The following PVT1 variants were observed in gnomAD, a reference collection of about 807,000 sequenced individuals.
The protein encoded by PVT1 is CXCR4/PVT1 fusion.
At chr8:127,801,566 G>A (rs534841011) in intron 2 of PVT1, among the ~76,000 whole-genome samples, 1 of 152,288 alleles carries the variant, frequency 6.6e-6, no homozygotes, top group South Asian at 2.1e-4. Flanking sequence ...AAAAAGGAAA[G>A]TAATTTGATC....
chr8:128,013,713 C>T (rs1247350782), intron 4 of PVT1, among the ~76,000 whole-genome samples: 11 of 152,168 alleles, frequency 7.2e-5, no homozygotes, highest in Admixed American at 7.2e-4. Flanking sequence ...AGTTGTGTCA[C>T]CTGCATTCTT....
At chr8:128,049,749 G>A (rs559583812) in intron 4 of PVT1, among the ~76,000 whole-genome samples, 46 of 152,170 alleles carry the variant, frequency 3.0e-4, no homozygotes, top group South Asian at 6.2e-4. Flanking sequence ...ACTGATTCAG[G>A]TAAGGTTTAC....
chr8:127,892,229 A>G (rs1216190629), intron 3 of PVT1, among the ~76,000 whole-genome samples: 2 of 152,240 alleles, frequency 1.3e-5, no homozygotes, highest in African/African-American at 4.8e-5. Context: ...GTTCTCACCC[A>G]TAGCTCTTAG....
chr8:127,829,325 C>T (rs1563616117), intron 2 of PVT1, among the ~76,000 whole-genome samples: 1 of 151,912 alleles, frequency 6.6e-6, no homozygotes, highest in Non-Finnish European at 1.5e-5. Flanking sequence ...TATATATATT[C>T]ACACACATGT....
chr8:127,984,993 CT>C (rs1816945332), intron 3 of PVT1, among the ~76,000 whole-genome samples: 1 of 104,120 alleles, frequency 9.6e-6, no homozygotes, highest in Non-Finnish European at 1.8e-5. Context: ...CTTTCTTTCT[CT>C]TTCCTTCCTT....
At chr8:128,034,481 C>T (rs192471610) in intron 4 of PVT1, among the ~76,000 whole-genome samples, 1 of 152,338 alleles carries the variant, frequency 6.6e-6, no homozygotes, top group East Asian at 1.9e-4. Context: ...CTGTGCTGTT[C>T]TAGCTCATCT....
chr8:127,911,435 G>A (rs957090410), intron 3 of PVT1, among the ~76,000 whole-genome samples: 3 of 152,326 alleles, frequency 2.0e-5, no homozygotes, highest in Non-Finnish European at 2.9e-5. Flanking sequence ...TTACCTGGCC[G>A]GCCTTGCAAA....
chr8:127,871,901 C>A (rs955592097), intron 2 of PVT1, among the ~76,000 whole-genome samples: 6 of 151,694 alleles, frequency 4.0e-5, no homozygotes, highest in Non-Finnish European at 8.8e-5. Flanking sequence ...CCAACCTGGC[C>A]AACATGGCAA....
chr8:127,876,172 T>C (rs954970570), intron 2 of PVT1, among the ~76,000 whole-genome samples: 3 of 152,144 alleles, frequency 2.0e-5, no homozygotes, highest in African/African-American at 7.2e-5. Context: ...GGGAGAAGCC[T>C]TTTAAGAGAC....
At chr8:127,948,987 G>A (rs147472110) in intron 3 of PVT1, among the ~76,000 whole-genome samples, 164 of 152,294 alleles carry the variant, frequency 1.1e-3, no homozygotes, top group African/African-American at 3.8e-3. Flanking sequence ...AGAAATAGCC[G>A]ACTTTCATCG....
intron 3 of PVT1, among the ~76,000 whole-genome samples, chr8:127,916,038 G>A (rs957947560): frequency 6.6e-6 from 1 of 152,186 alleles, no homozygotes; most frequent in Non-Finnish European, 1.5e-5. Flanking sequence ...CCACTTACAG[G>A]GGGGCAAATA....
At chr8:127,989,731 C>G (rs1013174225) in intron 4 of PVT1, among the ~76,000 whole-genome samples, 1 of 152,132 alleles carries the variant, frequency 6.6e-6, no homozygotes, top group African/African-American at 2.4e-5. Context: ...CTCCTTTCAC[C>G]TCCTTGAATT....
chr8:127,901,909 CTT>C (rs10547587), intron 3 of PVT1, among the ~76,000 whole-genome samples: 4,307 of 147,658 alleles, frequency 0.029, 155 homozygotes, highest in African/African-American at 0.095. Flanking sequence ...GCCAAGGGTA[CTT>C]TTTTTTTTTT....
At chr8:127,891,632 C>T (rs1213325490) in intron 3 of PVT1, among the ~76,000 whole-genome samples, 1 of 152,170 alleles carries the variant, frequency 6.6e-6, no homozygotes, top group East Asian at 1.9e-4. Context: ...AAATGCTGAC[C>T]ACATGACAGA....
At chr8:127,919,247 T>C (rs1445217861) in intron 3 of PVT1, among the ~76,000 whole-genome samples, 1 of 152,202 alleles carries the variant, frequency 6.6e-6, no homozygotes, top group East Asian at 1.9e-4. Context: ...GTGCACATTC[T>C]AACACAGCAC....
intron 2 of PVT1, among the ~76,000 whole-genome samples, chr8:127,881,216 G>C (rs1013517149): frequency 6.6e-6 from 1 of 152,034 alleles, no homozygotes; most frequent in Admixed American, 6.6e-5. Context: ...AGTCTGACTC[G>C]TGGGAGTAAC....
chr8:127,961,834 C>A (rs554132192), intron 3 of PVT1, among the ~76,000 whole-genome samples: 25 of 152,296 alleles, frequency 1.6e-4, no homozygotes, highest in South Asian at 8.3e-4. Flanking sequence ...CTCCAGAGGC[C>A]CCCCCTGCCC....
chr8:128,060,559 G>A (rs1400101978), intron 4 of PVT1, among the ~76,000 whole-genome samples: 1 of 152,206 alleles, frequency 6.6e-6, no homozygotes, highest in Non-Finnish European at 1.5e-5. Context: ...GACTCCTGAG[G>A]AAAGCAGACA....
At chr8:127,900,347 A>G (rs1464703249) in intron 3 of PVT1, among the ~76,000 whole-genome samples, 1 of 151,746 alleles carries the variant, frequency 6.6e-6, no homozygotes, top group Non-Finnish European at 1.5e-5. Flanking sequence ...AGCCTGGATC[A>G]TTGTCTTTAA....
Sources: allele counts gnomAD v4.1 joint callset (sites outside exome capture counted in the v4.1 genomes callset), GRCh38; gene constraint gnomAD v4.1.1; transcripts MANE v1.5; gene names NCBI Gene and HGNC (gene_info 2026-07-23, HGNC 2026-07-21).